ANKRD30B: variants seen among roughly 807,000 people sequenced by gnomAD.
ANKRD30B encodes the protein ankyrin repeat domain 30B.
ANKRD30B carries 144 observed loss-of-function variants against 202.2 expected under a neutral mutation model. The observed-to-expected ratio is 0.71, with a 90% CI of 0.62 to 0.82. The LOEUF (loss-of-function observed/expected upper bound fraction) is 0.82, where lower values mean the gene tolerates loss of function less well. Among genes scored for constraint, ANKRD30B ranks in the 40% least tolerant of loss-of-function variants. The probability of loss-of-function intolerance (pLI) is 0.00; values close to 1 mark genes in which losing one functional copy is unlikely to be tolerated. For synonymous variants in ANKRD30B, 508 were observed against 561.3 expected, an observed-to-expected ratio of 0.91 and a Z score of 1.34; for missense variants, 1,487 against 1,669.1, an observed-to-expected ratio of 0.89 and a Z score of 1.90.
intron 32 of ANKRD30B, among the ~76,000 whole-genome samples, chr18:14,826,921 A>G (rs1598686224): frequency 6.6e-6 from 1 of 152,160 alleles, no homozygotes; most frequent in East Asian, 1.9e-4. Flanking sequence ...TATAACAATA[A>G]CAATATATTG....
In ANKRD30B at chr18:14,748,410, G is replaced by GGCT. The variant is rs1912817725; in HGVS notation, c.-7_-5dup. ...GAGGCGCGGGCTCTCTCTAGCAGGG[G>GGCT]GCTGCAGCCATGAAGAGGCTCTTAG... On this transcript the variant is annotated 5_prime_UTR_variant, in exon 1 of 44. Transcript: ENST00000690538. The GGCT allele has an allele frequency of 3.4e-6, 5 of 1,478,294 alleles. No homozygotes were observed. Among genetic ancestry groups the GGCT allele is most frequent in the Non-Finnish European group, 3.6e-6 (4 of 1,111,592 alleles). 91.6% of individuals were successfully genotyped at this position (1,478,294 alleles called of 1,614,324 possible).
chr18:14,791,441 C>T lies in ANKRD30B; in HGVS notation c.1775C>T (p.Pro592Leu), dbSNP rs1302653316. 1.2e-6 allele frequency: 2 copies of T among 1,610,236 alleles called. No homozygotes were observed. Among genetic ancestry groups the T allele is most frequent in the Non-Finnish European group, 1.7e-6 (2 of 1,178,460 alleles). The change falls in exon 16 of 44, where the codon CCC (proline) becomes CTC (leucine). Residue 592 changes from proline to leucine, a missense_variant. Physicochemically the swap from Pro to Leu is moderately conservative, Grantham distance 98 (BLOSUM62 -3). Around this residue, in one of 6 missense-constraint regions of ANKRD30B, gnomAD observed 889 missense variants for 841.4 expected, o/e 1.06. Transcript: ENST00000690538. ...GTTTCACAGAAGGATGTGTATTTAC[C>T]CAAAGCTACACATCAAAAAGAATTC... is the stretch of plus-strand genomic sequence containing the variant. Reference protein sequence around the residue: ...ETVSQKDVYLPKATHQKEFDT... With the variant: ...ETVSQKDVYLLKATHQKEFDT...
intron 36 of ANKRD30B, among the ~76,000 whole-genome samples, chr18:14,837,885 G>A (rs989474945): frequency 4.6e-5 from 7 of 152,198 alleles, no homozygotes; most frequent in Admixed American, 1.3e-4. Flanking sequence ...GCATGGTGGC[G>A]GGCACCTGTA....
chr18:14,869,494 G>T, the ANKRD30B span, among the ~76,000 whole-genome samples: 1 of 152,184 alleles, frequency 6.6e-6, no homozygotes, highest in South Asian at 2.1e-4. Flanking sequence ...AAGTTAAGAT[G>T]TCATAATTAA....
the ANKRD30B span, among the ~76,000 whole-genome samples, chr18:14,916,900 A>G: frequency 6.6e-6 from 1 of 152,212 alleles, no homozygotes; most frequent in Non-Finnish European, 1.5e-5. Flanking sequence ...CAGAGGAGCC[A>G]GTGACTTGGC....
At chr18:14,935,698 G>T in the ANKRD30B span, among the ~76,000 whole-genome samples, 5 of 152,322 alleles carry the variant, frequency 3.3e-5, no homozygotes, top group African/African-American at 1.2e-4. Context: ...GGGTATATGT[G>T]TAGTGCATGC....
the ANKRD30B span, among the ~76,000 whole-genome samples, chr18:14,924,745 C>T: frequency 6.6e-6 from 1 of 152,228 alleles, no homozygotes; most frequent in Non-Finnish European, 1.5e-5. Context: ...GTCTCTGCAT[C>T]AGTGTCATGC....
At chr18:14,904,688 T>C in the ANKRD30B span, among the ~76,000 whole-genome samples, 1 of 152,226 alleles carries the variant, frequency 6.6e-6, no homozygotes, top group Non-Finnish European at 1.5e-5. Context: ...AGATTTATTC[T>C]TAACCAATAT....
chr18:14,751,647 T>C (rs1225802822), intron 1 of ANKRD30B, among the ~76,000 whole-genome samples: 2 of 152,192 alleles, frequency 1.3e-5, no homozygotes, highest in South Asian at 4.1e-4. Context: ...CCATACATTC[T>C]GTAAATCTAA....
chr18:14,829,955 C>T (rs1015093529), intron 33 of ANKRD30B, among the ~76,000 whole-genome samples: 11 of 152,120 alleles, frequency 7.2e-5, no homozygotes, highest in Non-Finnish European at 1.5e-4. Context: ...TGATGTCCTA[C>T]CCATGTACAT....
intron 24 of ANKRD30B, 31 bp from the exon 25 acceptor site, chr18:14,808,520 T>C (rs1388734443): frequency 2.8e-6 from 4 of 1,406,376 alleles, no homozygotes; most frequent in Non-Finnish European, 2.0e-6. Context: ...GGCTTGCATA[T>C]AATCAATTAT....
chr18:14,872,097 A>T, the ANKRD30B span, among the ~76,000 whole-genome samples: 1 of 152,142 alleles, frequency 6.6e-6, no homozygotes, highest in Non-Finnish European at 1.5e-5. Flanking sequence ...CACGAAGCAG[A>T]CACCAGAACC....
chr18:14,932,877 T>G, the ANKRD30B span, among the ~76,000 whole-genome samples: 1 of 152,182 alleles, frequency 6.6e-6, no homozygotes, highest in African/African-American at 2.4e-5. Flanking sequence ...TAAGAACGTA[T>G]TTGGAACTAA....
At position 14,752,820 on chromosome 18, in the gene ANKRD30B, C is replaced by T. The variant is rs760214190; in HGVS notation, c.337-19C>T. The T allele has an allele frequency of 6.3e-7, 1 of 1,597,888 alleles. No individual in the cohort carries two copies. Among genetic ancestry groups the T allele is most frequent in the Admixed American group, 1.7e-5 (1 of 57,722 alleles). On this transcript the variant is annotated intron_variant, in intron 2 of 43. Coordinates refer to ENST00000690538, the MANE Select transcript of ANKRD30B (RefSeq NM_001367607.2). ...ATTTCCTATAATTTATAATGTACTT[C>T]TTGCTTTAATACTGACAGGCTCTAC...
Position 14,804,549 on chromosome 18 carries a change from T to A in ANKRD30B, c.2284+725T>A, listed in dbSNP as rs199969395. Reference sequence around the variant, plus strand: ...TTAGTAAGTTGTCAGGCGATGCTGATGCTGGTGGTCGTTGGACCTTGCTCT... The same window carrying A: ...TTAGTAAGTTGTCAGGCGATGCTGAAGCTGGTGGTCGTTGGACCTTGCTCT... On this transcript the variant is annotated intron_variant, in intron 24 of 43. Transcript: ENST00000690538. Among the ~76,000 whole-genome samples the A allele has an allele frequency of 2.5e-4, 37 of 150,722 alleles. 2 individuals are homozygous for A. The East Asian group carries it at 6.4e-3, about 26-fold the overall frequency.
the ANKRD30B span, among the ~76,000 whole-genome samples, chr18:14,924,572 G>C: frequency 6.6e-6 from 1 of 152,236 alleles, no homozygotes; most frequent in Admixed American, 6.5e-5. Context: ...ATACAAGAGT[G>C]AGAGATACAG....
the ANKRD30B span, among the ~76,000 whole-genome samples, chr18:14,875,583 C>G: frequency 6.6e-6 from 1 of 152,168 alleles, no homozygotes; most frequent in Non-Finnish European, 1.5e-5. Flanking sequence ...GGTGCTGTCA[C>G]TCTGAGGCTC....
intron 15 of ANKRD30B, 29 bp from the exon 16 acceptor site, chr18:14,791,372 A>G: frequency 6.5e-7 from 1 of 1,547,320 alleles, no homozygotes; most frequent in Non-Finnish European, 8.8e-7. Flanking sequence ...TTTTTCATTG[A>G]AATTATTTAT....
intron 16 of ANKRD30B, among the ~76,000 whole-genome samples, chr18:14,794,746 C>T (rs146648234): frequency 1.8e-4 from 28 of 152,270 alleles, no homozygotes; most frequent in African/African-American, 6.0e-4. Flanking sequence ...ATCGCTTGGA[C>T]ATAAATTGTG....
Sources: gnomAD v4.1 joint callset for allele counts (sites outside exome capture counted in the v4.1 genomes callset) on GRCh38, gnomAD v4.1.1 for gene constraint, gnomAD v4.1.1 regional missense constraint, MANE v1.5 for transcripts, NCBI Gene and HGNC (gene_info 2026-07-23, HGNC 2026-07-21) for gene names.